Variants in P4HB observed in about 807,000 individuals in gnomAD.
P4HB encodes the protein protein disulfide-isomerase.
A neutral mutation model predicts 52.6 loss-of-function variants in P4HB; 20 were observed. The observed-to-expected ratio is 0.38, with a 90% CI of 0.27 to 0.55. P4HB has a LOEUF of 0.55. P4HB is among the 20% of genes least tolerant of loss of function. P4HB has a pLI of 0.74. For synonymous variants in P4HB, 296 were observed against 277.9 expected (o/e 1.07, Z -0.65); for missense variants, 601 against 669.2 (o/e 0.90, Z 1.12).
Position 81,846,034 on chromosome 17 carries a change from G to C in P4HB, c.1057-43C>G, listed in dbSNP as rs1405380411. The C allele has an allele frequency of 2.6e-6, 4 of 1,559,412 alleles. No homozygotes were observed. Among genetic ancestry groups the C allele is most frequent in the Admixed American group, 3.8e-5 (2 of 52,190 alleles). ...CACGGTGAGGGGCGGCGATGCCTGG[G>C]GGACCACAGAGCTCCCCAACCCTCA... On this transcript the variant is annotated intron_variant, in intron 7 of 10. Coordinates refer to ENST00000331483, the MANE Select transcript of P4HB (RefSeq NM_000918.4). This position sits in a 1 kb window ranked among gnomAD's most constrained non-coding sequence, Gnocchi z 5.7.
At chr17:81,858,456 C>A (rs1164587506) in intron 2 of P4HB, among the ~76,000 whole-genome samples, 1 of 152,042 alleles carries the variant, frequency 6.6e-6, no homozygotes, top group Non-Finnish European at 1.5e-5. Flanking sequence ...AGGGGAGAAC[C>A]CTGCTAACAC....
At chr17:81,854,267 G>A (rs550208737) in intron 4 of P4HB, among the ~76,000 whole-genome samples, 10 of 152,316 alleles carry the variant, frequency 6.6e-5, no homozygotes, top group African/African-American at 1.4e-4. Context: ...GGCCGGGCGC[G>A]GTGGCTCACG....
intron 4 of P4HB, among the ~76,000 whole-genome samples, chr17:81,849,199 T>G (rs999049855): frequency 6.7e-6 from 1 of 150,372 alleles, no homozygotes; most frequent in Admixed American, 6.6e-5. Context: ...CCAGCCTGGG[T>G]GACGAGTGAA....
At chr17:81,860,267 G>T (rs2038978528) in intron 1 of P4HB, 60 bp downstream of exon 1, 1 of 1,300,806 alleles carries the variant, frequency 7.7e-7, no homozygotes, top group Non-Finnish European at 9.9e-7. Context: ...CCGTGCCTGC[G>T]TCCCAAGAGC....
At chr17:81,853,553 G>A (rs1014511651) in intron 4 of P4HB, among the ~76,000 whole-genome samples, 1 of 151,224 alleles carries the variant, frequency 6.6e-6, no homozygotes, top group Non-Finnish European at 1.5e-5. Context: ...CAGCCTGGGC[G>A]ACAGAGACAG....
rs774761013 is a variant in P4HB, at chr17:81,855,616, T to A, written c.353-30A>T. 2 of 1,600,652 alleles carry A rather than the reference T, an allele frequency of 1.2e-6. No homozygotes were observed. Among genetic ancestry groups the A allele is most frequent in the Non-Finnish European group, 1.7e-6 (2 of 1,171,594 alleles). ...CCCCAAACAAATGTAGGTTCTACTC[T>A]CAAACAGGGAGTGCCGCCTGCCCTG... is the stretch of plus-strand genomic sequence containing the variant. On this transcript the variant is annotated intron_variant, in intron 2 of 10. Transcript: ENST00000331483. The surrounding 1 kb of genome is among the most constrained non-coding windows in gnomAD (Gnocchi z 4.3).
chr17:81,850,378 G>A (rs2038810019), intron 4 of P4HB, among the ~76,000 whole-genome samples: 3 of 150,316 alleles, frequency 2.0e-5, no homozygotes, highest in Non-Finnish European at 3.0e-5. Context: ...TCAGGTGATC[G>A]GCCTGCTTCG....
chr17:81,860,377 C>CT lies in P4HB; in HGVS notation c.94dup (p.Ser32LysfsTer31). Reference sequence around the variant, plus strand: ...GGCCGCCAGCGCCTCCGCGAAGTTGCTTTTCCGCAGCACCAGGACGTGGTC... The same window carrying CT: ...GGCCGCCAGCGCCTCCGCGAAGTTGCTTTTTCCGCAGCACCAGGACGTGGTC... On this transcript the variant is annotated frameshift_variant, in exon 1 of 11. Coordinates refer to ENST00000331483, the MANE Select transcript of P4HB (RefSeq NM_000918.4). LOFTEE classifies it high-confidence loss of function. 1 of 1,474,152 alleles carries CT rather than the reference C, an allele frequency of 6.8e-7. No homozygotes were observed. Among genetic ancestry groups the CT allele is most frequent in the Non-Finnish European group, 9.0e-7 (1 of 1,112,050 alleles). 91.3% of individuals were successfully genotyped at this position (1,474,152 alleles called of 1,614,324 possible).
chr17:81,854,003 G>C (rs1262482266), intron 4 of P4HB, among the ~76,000 whole-genome samples: 1 of 152,214 alleles, frequency 6.6e-6, no homozygotes, highest in Non-Finnish European at 1.5e-5. Context: ...GGGAGAGGCG[G>C]CTAAGAGGCC....
Position 81,855,427 on chromosome 17 carries a change from G to T in P4HB, c.486+26C>A. 6.2e-7 allele frequency: 1 copy of T among 1,601,160 alleles called. No individual in the cohort carries two copies. Among genetic ancestry groups the T allele is most frequent in the Non-Finnish European group, 8.5e-7 (1 of 1,171,200 alleles). On this transcript the variant is annotated intron_variant, in intron 3 of 10. Coordinates refer to ENST00000331483, the MANE Select transcript of P4HB (RefSeq NM_000918.4). The surrounding 1 kb of genome is among the most constrained non-coding windows in gnomAD (Gnocchi z 4.3). ...CTCCTCAATGGATGACGGAAGGAAG[G>T]AAGACTGGAATGCTCTGGTCTCTAC...
intron 2 of P4HB, chr17:81,858,724 TG>T (rs1342177176): frequency 5.3e-6 from 1 of 187,412 alleles, no homozygotes; most frequent in Non-Finnish European, 1.1e-5. Flanking sequence ...GCCCTTTGTC[TG>T]GGAAAAGCCC....
intron 5 of P4HB, 37 bp from the exon 6 acceptor site, chr17:81,847,109 A>G (rs376187164): frequency 4.0e-5 from 64 of 1,613,372 alleles, no homozygotes; most frequent in Non-Finnish European, 5.3e-5. Context: ...TCTGAGTCAC[A>G]CACTATTAAT....
At chr17:81,852,355 A>G (rs1251857360) in intron 4 of P4HB, among the ~76,000 whole-genome samples, 7 of 152,100 alleles carry the variant, frequency 4.6e-5, no homozygotes, top group African/African-American at 1.7e-4. Context: ...ACACAAGAGC[A>G]CCCGACTCAG....
At chr17:81,859,501 C>T (rs2143371895) in intron 1 of P4HB, 114 bp from the exon 2 acceptor site, 1 of 909,748 alleles carries the variant, frequency 1.1e-6, no homozygotes, top group Non-Finnish European at 1.7e-6. Flanking sequence ...ACCTTATCTA[C>T]TCACCAAGAT....
At chr17:81,849,407 A>G (rs1357275899) in intron 4 of P4HB, among the ~76,000 whole-genome samples, 1 of 151,980 alleles carries the variant, frequency 6.6e-6, no homozygotes. Context: ...GAGGCAGGAG[A>G]ATCGCTTGAA....
intron 4 of P4HB, among the ~76,000 whole-genome samples, chr17:81,850,544 C>A (rs559902447): frequency 1.3e-5 from 2 of 152,296 alleles, no homozygotes; most frequent in East Asian, 3.9e-4. Context: ...ATGGCACGAT[C>A]TCGATCTTGC....
intron 4 of P4HB, among the ~76,000 whole-genome samples, chr17:81,848,075 G>C (rs189610585): frequency 2.6e-5 from 4 of 152,142 alleles, no homozygotes; most frequent in Admixed American, 6.5e-5. Flanking sequence ...CTAATTTTTG[G>C]TATTTTTAGT....
intron 2 of P4HB, among the ~76,000 whole-genome samples, chr17:81,856,252 G>A (rs1160607571): frequency 6.7e-6 from 1 of 149,526 alleles, no homozygotes; most frequent in Non-Finnish European, 1.5e-5. Flanking sequence ...CTGCAACCTC[G>A]AACTTCTGGG....
Position 81,855,758 on chromosome 17 carries a change from C to A in P4HB, c.353-172G>T. The A allele has an allele frequency of 1.5e-6, 1 of 651,902 alleles. No homozygotes were observed. The highest frequency in any genetic ancestry group is 2.0e-5 in the South Asian group (1 of 50,124). 40.4% of individuals were successfully genotyped at this position (651,902 alleles called of 1,614,324 possible). On this transcript the variant is annotated intron_variant, in intron 2 of 10. Coordinates refer to ENST00000331483, the MANE Select transcript of P4HB (RefSeq NM_000918.4). This position sits in a 1 kb window ranked among gnomAD's most constrained non-coding sequence, Gnocchi z 4.3. ...CGGTGCCGTCCGCCCGCCTCCTAAA[C>A]CCCAGTGTACGTGAGACTGTGGTTG...
Sources: allele counts gnomAD v4.1 joint callset (sites outside exome capture counted in the v4.1 genomes callset), GRCh38; gene constraint gnomAD v4.1.1; non-coding constraint Gnocchi (gnomAD v3.1); transcripts MANE v1.5; gene names NCBI Gene and HGNC (gene_info 2026-07-23, HGNC 2026-07-21).